AGBL1: variants seen among roughly 807,000 people sequenced by gnomAD.
AGBL1 encodes cytosolic carboxypeptidase 4.
In AGBL1, 130 loss-of-function variants were observed where a neutral mutation model predicts 118.9. The observed-to-expected ratio is 1.09, with a 90% CI of 0.95 to 1.26. The LOEUF (loss-of-function observed/expected upper bound fraction) is 1.26, where lower values mean the gene tolerates loss of function less well. Among genes scored for constraint, AGBL1 ranks in the 50% most tolerant of loss-of-function variants. AGBL1 has a pLI of 0.00. For missense variants in AGBL1, 1,584 were observed against 1,298.1 expected (o/e 1.22, Z -3.38); for synonymous variants, 555 against 478.9 (o/e 1.16, Z -2.08).
In AGBL1 at chr15:86,872,671, G is replaced by A. The variant is rs547480937; in HGVS notation, c.3159-34416G>A. On this transcript the variant is annotated intron_variant, in intron 22 of 22. Transcript: ENST00000614907. Reference sequence around the variant, plus strand: ...CTCAGGAGGCTGAGGCAGGAGAATCGCTTGAACCTGGGAGGCAGAGGTTAC... The same window carrying A: ...CTCAGGAGGCTGAGGCAGGAGAATCACTTGAACCTGGGAGGCAGAGGTTAC... 2.4e-4 allele frequency among the ~76,000 whole-genome samples: 36 copies of A among 152,262 alleles called. No individual in the cohort carries two copies. In the East Asian group the frequency reaches 6.6e-3, roughly 28 times the overall value.
chr15:86,631,513 A>G (rs2142436911), intron 21 of AGBL1, among the ~76,000 whole-genome samples: 1 of 152,324 alleles, frequency 6.6e-6, no homozygotes, highest in Admixed American at 6.5e-5. Context: ...ATATTCCTTT[A>G]TTTCTAAAAT....
At chr15:86,329,460 A>G (rs1410657277) in intron 17 of AGBL1, among the ~76,000 whole-genome samples, 2 of 151,724 alleles carry the variant, frequency 1.3e-5, no homozygotes, top group African/African-American at 4.8e-5. Flanking sequence ...CATGTAGACA[A>G]ATCTCCAGGT....
At chr15:86,471,847 G>A (rs184581343) in intron 18 of AGBL1, among the ~76,000 whole-genome samples, 3 of 152,266 alleles carry the variant, frequency 2.0e-5, no homozygotes, top group African/African-American at 4.8e-5. Context: ...TTGACCATAG[G>A]AACCCACGAA....
At chr15:86,256,673 T>C (rs1267849671) in intron 7 of AGBL1, among the ~76,000 whole-genome samples, 180 bp from the exon 8 acceptor site, 3 of 152,256 alleles carry the variant, frequency 2.0e-5, no homozygotes, top group Non-Finnish European at 4.4e-5. Context: ...TATGTTGGAA[T>C]GTTCAAATTT....
intron 22 of AGBL1, among the ~76,000 whole-genome samples, chr15:86,798,561 G>A (rs1372709361): frequency 1.3e-5 from 2 of 151,802 alleles, no homozygotes; most frequent in African/African-American, 4.8e-5. Context: ...TAATAGCAAT[G>A]AACTAGACAC....
At chr15:86,899,842 T>C (rs1026241740) in intron 22 of AGBL1, among the ~76,000 whole-genome samples, 1 of 152,174 alleles carries the variant, frequency 6.6e-6, no homozygotes. Context: ...ATATTATTCC[T>C]GGATGTGTCT....
chr15:86,985,206 G>A (rs1179976600), intron 23 of AGBL1, among the ~76,000 whole-genome samples: 1 of 152,158 alleles, frequency 6.6e-6, no homozygotes, highest in East Asian at 1.9e-4. Flanking sequence ...GGACATTCAT[G>A]TACAATGCTT....
At chr15:87,011,575 A>G (rs1206048597) in intron 24 of AGBL1, among the ~76,000 whole-genome samples, 2 of 152,210 alleles carry the variant, frequency 1.3e-5, no homozygotes, top group Non-Finnish European at 2.9e-5. Flanking sequence ...ATTTAAAAAT[A>G]TTGCATTTTC....
intron 1 of AGBL1, among the ~76,000 whole-genome samples, chr15:86,132,989 C>T (rs550403905): frequency 2.5e-4 from 38 of 152,186 alleles, no homozygotes; most frequent in Admixed American, 1.6e-3. Context: ...TTTTATTGAG[C>T]GTTTAGTGTG....
At chr15:86,754,709 C>T (rs1025324417) in intron 22 of AGBL1, among the ~76,000 whole-genome samples, 1 of 152,056 alleles carries the variant, frequency 6.6e-6, no homozygotes, top group African/African-American at 2.4e-5. Context: ...GGCTGTGCAG[C>T]TTTATTGTTG....
At chr15:86,860,828 C>G (rs1213157923) in intron 22 of AGBL1, among the ~76,000 whole-genome samples, 3 of 151,998 alleles carry the variant, frequency 2.0e-5, no homozygotes, top group Admixed American at 1.3e-4. Flanking sequence ...ACAGGGAAAT[C>G]TATATTCTGC....
intron 2 of AGBL1, among the ~76,000 whole-genome samples, chr15:86,143,097 G>A (rs1003005412): frequency 6.6e-6 from 1 of 152,178 alleles, no homozygotes; most frequent in Non-Finnish European, 1.5e-5. Flanking sequence ...GTTCAAAATT[G>A]TACTTAGGTA....
intron 23 of AGBL1, among the ~76,000 whole-genome samples, chr15:86,940,948 G>C (rs1165746776): frequency 1.3e-5 from 2 of 152,090 alleles, no homozygotes; most frequent in Non-Finnish European, 2.9e-5. Context: ...CAGCTCACTG[G>C]AACTTATTCC....
intron 24 of AGBL1, among the ~76,000 whole-genome samples, chr15:87,011,780 C>A (rs2081562929): frequency 6.6e-6 from 1 of 152,170 alleles, no homozygotes; most frequent in Non-Finnish European, 1.5e-5. Flanking sequence ...AAACTTGCAA[C>A]ATTGGCTTAG....
At chr15:86,230,562 A>T (rs1312123002) in intron 6 of AGBL1, among the ~76,000 whole-genome samples, 7 of 152,176 alleles carry the variant, frequency 4.6e-5, no homozygotes, top group Non-Finnish European at 1.0e-4. Context: ...CCCTGCCTTG[A>T]TGAGAATGAT....
At chr15:86,722,981 C>A (rs1218089147) in intron 22 of AGBL1, among the ~76,000 whole-genome samples, 5 of 144,142 alleles carry the variant, frequency 3.5e-5, no homozygotes, top group African/African-American at 1.1e-4. Flanking sequence ...TTAGAATGGC[C>A]ATCATTAAAA....
At chr15:86,157,276 G>T (rs2077205303) in intron 4 of AGBL1, among the ~76,000 whole-genome samples, 1 of 152,094 alleles carries the variant, frequency 6.6e-6, no homozygotes, top group African/African-American at 2.4e-5. Flanking sequence ...GAGTAGATTT[G>T]CATACACCCA....
chr15:86,333,181 AAATC>A (rs1314061313), intron 17 of AGBL1, among the ~76,000 whole-genome samples: 1 of 152,120 alleles, frequency 6.6e-6, no homozygotes, highest in Non-Finnish European at 1.5e-5. Context: ...GAAAATAAAT[AAATC>A]AGAAAAGAAC....
At chr15:86,691,897 C>T (rs946311479) in intron 22 of AGBL1, among the ~76,000 whole-genome samples, 2 of 151,906 alleles carry the variant, frequency 1.3e-5, no homozygotes, top group African/African-American at 4.8e-5. Context: ...GGGCCTGATC[C>T]CATGTCCAAT....
Sources: allele counts gnomAD v4.1 joint callset (sites outside exome capture counted in the v4.1 genomes callset), GRCh38; gene constraint gnomAD v4.1.1; transcripts MANE v1.5; gene names NCBI Gene and HGNC (gene_info 2026-07-23, HGNC 2026-07-21).